ARHGAP27: variants seen among roughly 807,000 people sequenced by gnomAD.
ARHGAP27 encodes rho GTPase-activating protein 27.
In ARHGAP27, 53 loss-of-function variants were observed where a neutral mutation model predicts 102.0. The ratio of observed to expected loss-of-function variants is 0.52; its 90% CI spans 0.42 to 0.65. ARHGAP27 has a LOEUF of 0.65. Among genes scored for constraint, ARHGAP27 ranks in the 30% least tolerant of loss-of-function variants. The pLI, the probability that ARHGAP27 is intolerant of heterozygous loss-of-function variation, is 0.00. For synonymous variants in ARHGAP27, 525 were observed against 542.8 expected (o/e 0.97, Z 0.46); for missense variants, 1,117 against 1,256.2 (o/e 0.89, Z 1.68).
In ARHGAP27 at chr17:45,404,280, C is replaced by T; in HGVS notation, c.1468G>A (p.Ala490Thr). ...GSWEEVSPAT[A>T]AVRTKTLDKA... ...GGGGTGATGCCTACCCTCACAGCAG[C>T]TGTGGCAGGAGAGACTTCCTCCCAG... The change falls in exon 9 of 20, where the codon GCT becomes ACT. Residue 490 changes from alanine (A) to threonine (T), a missense_variant. Ala to Thr is a moderately conservative substitution (Grantham distance 58). Coordinates refer to ENST00000685559, the MANE Select transcript of ARHGAP27 (RefSeq NM_001282290.2). 6.2e-7 allele frequency: 1 copy of T among 1,614,042 alleles called. No individual in the cohort carries two copies. Among genetic ancestry groups the T allele is most frequent in the Non-Finnish European group, 8.5e-7 (1 of 1,179,978 alleles).
chr17:45,419,274 T>C (rs2048782360), intron 4 of ARHGAP27, among the ~76,000 whole-genome samples: 1 of 152,112 alleles, frequency 6.6e-6, no homozygotes, highest in East Asian at 1.9e-4. Context: ...TCTCACTCTG[T>C]CCATGCACAA....
At chr17:45,397,070 G>T in intron 13 of ARHGAP27, 46 bp from the exon 14 acceptor site, 6 of 1,595,748 alleles carry the variant, frequency 3.8e-6, no homozygotes, top group Non-Finnish European at 5.1e-6. Flanking sequence ...AGCCAGCTGC[G>T]GGTCCTTCCA....
At chr17:45,421,436 C>G (rs929769856) in intron 4 of ARHGAP27, among the ~76,000 whole-genome samples, 2 of 151,938 alleles carry the variant, frequency 1.3e-5, no homozygotes, top group Non-Finnish European at 2.9e-5. Context: ...GAGCCGTGAT[C>G]GTGCCATAGC....
chr17:45,428,712 G>T (rs752215113), intron 4 of ARHGAP27, among the ~76,000 whole-genome samples: 2 of 152,044 alleles, frequency 1.3e-5, no homozygotes, highest in Admixed American at 1.3e-4. Flanking sequence ...CCTCCCTTTG[G>T]GCTAAAGAAC....
rs1036823101 is a variant in ARHGAP27 at position 45,429,940 on chromosome 17, C to T, written c.340G>A (p.Gly114Arg). ...CCGCACAGGGAGCTGGCTCGGCCTC[C>T]GGACTCCTCGGGGGCGCCGTCGGGG... is the stretch of plus-strand genomic sequence containing the variant. ...AGPDGAPEES[G>R]GRASSLCGPA... Residue 114 changes from glycine (G) to arginine (R), a missense_variant, in exon 4 of 20, where the codon GGA becomes AGA. Physicochemically the swap from Gly to Arg is moderately radical, Grantham distance 125 (BLOSUM62 -2). Transcript: ENST00000685559. The T allele has an allele frequency of 1.1e-5, 12 of 1,132,378 alleles. No homozygotes were observed. The African/African-American group carries it at 1.5e-4, about 14-fold the overall frequency. The allele number at this position is 1,132,378 out of a possible 1,614,324, so 70.1% of individuals were successfully genotyped here.
In ARHGAP27 at chr17:45,430,393, T is replaced by C; in HGVS notation, c.-18-96A>G. 7 of 1,456,468 alleles carry C rather than the reference T, an allele frequency of 4.8e-6. No homozygotes were observed. Among genetic ancestry groups the C allele is most frequent in the Non-Finnish European group, 6.3e-6 (7 of 1,112,650 alleles). The allele number at this position is 1,456,468 out of a possible 1,614,324, so 90.2% of individuals were successfully genotyped here. A position where few individuals can be genotyped will look rare whatever the true frequency, so the allele number is the denominator to read the frequency against. On this transcript the variant is annotated intron_variant, in intron 3 of 19. Transcript: ENST00000685559. This position sits in a 1 kb window ranked among gnomAD's most constrained non-coding sequence, Gnocchi z 4.4. ...CAGACTTGGGTTCGAGTCCCGATCC[T>C]GCACTCGCCGTTCGCCTTCGGGCCT... is the stretch of plus-strand genomic sequence containing the variant.
intron 4 of ARHGAP27, chr17:45,410,009 A>G (rs1449096592): frequency 1.7e-6 from 1 of 579,354 alleles, no homozygotes; most frequent in Non-Finnish European, 3.0e-6. Context: ...TTCACCCCTT[A>G]TCTCCAGTTC....
chr17:45,405,651 C>G (rs1391288916), intron 5 of ARHGAP27, 25 bp downstream of exon 5: 1 of 1,558,218 alleles, frequency 6.4e-7, no homozygotes, highest in African/African-American at 1.4e-5. Context: ...GAGGTAGAAC[C>G]GCCCACTCTG....
intron 4 of ARHGAP27, chr17:45,429,331 A>C: frequency 9.7e-7 from 1 of 1,027,728 alleles, no homozygotes; most frequent in South Asian, 2.2e-5. Context: ...GCGATAAATA[A>C]AGACCATCAG....
At chr17:45,415,284 CCTT>C (rs945518437) in intron 4 of ARHGAP27, among the ~76,000 whole-genome samples, 41 of 152,212 alleles carry the variant, frequency 2.7e-4, no homozygotes, top group African/African-American at 9.9e-4. Flanking sequence ...AAAATCCTCT[CCTT>C]CTTGGGCTTC....
intron 16 of ARHGAP27, 45 bp from the exon 17 acceptor site, chr17:45,396,329 AGG>A: frequency 6.4e-7 from 1 of 1,564,936 alleles, no homozygotes; most frequent in Non-Finnish European, 8.6e-7. Context: ...GGATGGGGAT[AGG>A]GTGGGGCTAC....
chr17:45,395,387 G>C lies in ARHGAP27; in HGVS notation c.*69C>G. On this transcript the variant is annotated 3_prime_UTR_variant, in exon 20 of 20. Transcript: ENST00000685559. ...AGGGTCCCAGAGAGAAGAAGGCCCG[G>C]CTGCGTGGCCTCCGCCGCCCAGCTT... is the stretch of plus-strand genomic sequence containing the variant. The C allele has an allele frequency of 6.7e-7, 1 of 1,490,960 alleles. No homozygotes were observed. Among genetic ancestry groups the C allele is most frequent in the Non-Finnish European group, 9.0e-7 (1 of 1,112,472 alleles). The allele number at this position is 1,490,960 out of a possible 1,614,324, so 92.4% of individuals were successfully genotyped here.
chr17:45,413,405 C>T (rs1438207870), intron 4 of ARHGAP27, among the ~76,000 whole-genome samples: 1 of 152,138 alleles, frequency 6.6e-6, no homozygotes, highest in Non-Finnish European at 1.5e-5. Flanking sequence ...AGCCGGAGAC[C>T]AGAGACTTGG....
chr17:45,398,543 G>A (rs1202056692), intron 12 of ARHGAP27, among the ~76,000 whole-genome samples: 1 of 152,056 alleles, frequency 6.6e-6, no homozygotes, highest in Non-Finnish European at 1.5e-5. Flanking sequence ...AGACCAGCCT[G>A]GCCAACATGG....
chr17:45,429,328 A>C, intron 4 of ARHGAP27: 1 of 1,017,384 alleles, frequency 9.8e-7, no homozygotes, highest in East Asian at 3.2e-5. Flanking sequence ...AGTGCGATAA[A>C]TAAAGACCAT....
chr17:45,407,115 C>T (rs1050467799), intron 4 of ARHGAP27, among the ~76,000 whole-genome samples: 2 of 152,186 alleles, frequency 1.3e-5, no homozygotes, highest in African/African-American at 2.4e-5. Context: ...AAGCCCTTAA[C>T]CAGGCACAAG....
rs757515213 is a variant in ARHGAP27, at chr17:45,396,597, G to C, written c.2075-12C>G. ...GCCGAACACCTGGTCTAGGGCAGAG[G>C]CTCATCAGCTCCTGCCCAGCCTGCG... On this transcript the variant is annotated splice_polypyrimidine_tract_variant and intron_variant, in intron 15 of 19. Transcript: ENST00000685559. 1 of 1,609,370 alleles carries C rather than the reference G, an allele frequency of 6.2e-7. No homozygotes were observed. Among genetic ancestry groups the C allele is most frequent in the East Asian group, 2.2e-5 (1 of 44,784 alleles).
In ARHGAP27 at chr17:45,395,439, C is replaced by T. The variant is rs1597746325; in HGVS notation, c.*17G>A. On this transcript the variant is annotated 3_prime_UTR_variant, in exon 20 of 20. Coordinates refer to ENST00000685559, the MANE Select transcript of ARHGAP27 (RefSeq NM_001282290.2). ...TGTGGCAGGACCGCGGCCGCCGCCC[C>T]AGTCACAGGCCAGCAGTCAGTGCGG... The T allele has an allele frequency of 6.5e-7, 1 of 1,548,122 alleles. No homozygotes were observed. Among genetic ancestry groups the T allele is most frequent in the Non-Finnish European group, 8.7e-7 (1 of 1,144,108 alleles).
At chr17:45,416,552 T>C (rs1197798211) in intron 4 of ARHGAP27, among the ~76,000 whole-genome samples, 1 of 150,400 alleles carries the variant, frequency 6.6e-6, no homozygotes, top group Non-Finnish European at 1.5e-5. Flanking sequence ...TGTATTCTTT[T>C]TTTAATTTTT....
Sources: gnomAD v4.1 joint callset for allele counts (sites outside exome capture counted in the v4.1 genomes callset) on GRCh38, gnomAD v4.1.1 for gene constraint, Gnocchi (gnomAD v3.1) non-coding constraint, MANE v1.5 for transcripts, NCBI Gene and HGNC (gene_info 2026-07-23, HGNC 2026-07-21) for gene names.